The following RNF144A variants were observed in gnomAD, a reference collection of about 807,000 sequenced individuals.
The protein encoded by RNF144A is E3 ubiquitin-protein ligase RNF144A.
A neutral mutation model predicts 38.7 loss-of-function variants in RNF144A; 11 were observed. The observed-to-expected ratio is 0.28, with a 90% CI of 0.18 to 0.47. The LOEUF (loss-of-function observed/expected upper bound fraction) is 0.47. RNF144A is among the 20% of genes least tolerant of loss of function. The pLI is 0.99. For synonymous variants in RNF144A, 149 were observed against 143.9 expected (o/e 1.04, Z -0.25); for missense variants, 316 against 377.2 (o/e 0.84, Z 1.34).
chr2:7,021,402 C>T (rs1023850), intron 6 of RNF144A, among the ~76,000 whole-genome samples: 27,314 of 151,936 alleles, frequency 0.18, 3,161 homozygotes, highest in East Asian at 0.55. Flanking sequence ...CCCATTCCAC[C>T]GTCCCCAGCT....
At chr2:6,968,375 C>T (rs552183359) in intron 2 of RNF144A, among the ~76,000 whole-genome samples, 21 of 152,338 alleles carry the variant, frequency 1.4e-4, no homozygotes, top group Admixed American at 4.6e-4. Flanking sequence ...GTGAACACTT[C>T]GGGCCCAGAG....
chr2:6,994,893 C>T (rs973695856), intron 2 of RNF144A, among the ~76,000 whole-genome samples: 5 of 151,992 alleles, frequency 3.3e-5, no homozygotes, highest in African/African-American at 1.2e-4. Flanking sequence ...TCAGTCACCC[C>T]CTCAGTTGCT....
At chr2:7,051,755 G>T (rs931550094) in intron 6 of RNF144A, among the ~76,000 whole-genome samples, 1 of 152,326 alleles carries the variant, frequency 6.6e-6, no homozygotes, top group East Asian at 1.9e-4. Flanking sequence ...TGGGCATGGC[G>T]GTGGGTGCCT....
intron 2 of RNF144A, among the ~76,000 whole-genome samples, chr2:6,983,956 A>AATGT (rs1408715867): frequency 6.6e-6 from 1 of 152,148 alleles, no homozygotes; most frequent in Non-Finnish European, 1.5e-5. Flanking sequence ...GTATATCCAG[A>AATGT]ATGTGACTAC....
chr2:7,039,550 G>T, intron 8 of RNF144A, 79 bp from the exon 9 acceptor site: 1 of 1,562,162 alleles, frequency 6.4e-7, no homozygotes, highest in South Asian at 1.2e-5. Flanking sequence ...ATGGGTAGCT[G>T]GTTGTGTGGT....
intron 7 of RNF144A, among the ~76,000 whole-genome samples, chr2:7,025,845 G>A (rs1671856872): frequency 6.6e-6 from 1 of 151,952 alleles, no homozygotes; most frequent in African/African-American, 2.4e-5. Flanking sequence ...TCCAATAATA[G>A]TATTAAGCCA....
intron 5 of RNF144A, among the ~76,000 whole-genome samples, chr2:7,015,384 A>G (rs1671069836): frequency 6.6e-6 from 1 of 152,154 alleles, no homozygotes; most frequent in African/African-American, 2.4e-5. Flanking sequence ...CTGATTTCTA[A>G]ATATAGTGGG....
At chr2:6,977,227 T>C (rs977166470) in intron 2 of RNF144A, among the ~76,000 whole-genome samples, 2 of 152,204 alleles carry the variant, frequency 1.3e-5, no homozygotes, top group African/African-American at 2.4e-5. Flanking sequence ...TCCACATGAG[T>C]AAAGCAGGAT....
intron 2 of RNF144A, among the ~76,000 whole-genome samples, chr2:6,942,235 A>G (rs1244962034): frequency 6.6e-6 from 1 of 152,020 alleles, no homozygotes; most frequent in Non-Finnish European, 1.5e-5. Context: ...GGTAGAGGAC[A>G]AGGCTAGAAT....
In RNF144A at chr2:7,054,231, G is replaced by A. The variant is rs147613825; in HGVS notation, c.735-13985G>A. On this transcript the variant is annotated intron_variant, in intron 6 of 6. Coordinates refer to the RNF144A transcript ENST00000432850. ...AGAGAGCTGTTAATGAGAGACAGCC[G>A]CTGAATAAAACAACATTTCGCCTGC... Among the ~76,000 whole-genome samples the A allele has an allele frequency of 4.8e-3, 736 of 152,320 alleles. 8 individuals are homozygous for A. Among genetic ancestry groups the A allele is most frequent in the African/African-American group, 0.016 (664 of 41,566 alleles).
chr2:7,002,676 C>T (rs1435331900), intron 3 of RNF144A, among the ~76,000 whole-genome samples: 1 of 152,172 alleles, frequency 6.6e-6, no homozygotes. Context: ...ATGGTGATCC[C>T]ATAAGATTAC....
chr2:6,951,700 A>C (rs552677524), intron 2 of RNF144A, among the ~76,000 whole-genome samples: 1 of 152,254 alleles, frequency 6.6e-6, no homozygotes, highest in African/African-American at 2.4e-5. Context: ...CTAGTACCTT[A>C]GTTTCTTTTA....
rs1671017550 is a variant in RNF144A at position 7,014,568 on chromosome 2, A to G, written c.240+10A>G. The stretch of plus-strand genomic sequence containing the variant: ...CCTACAGGAGAACGAGGCATGTGCA[A>G]TTGAACAGACTGGGCTGTTTGATGT... On this transcript the variant is annotated intron_variant, in intron 4 of 8. Coordinates refer to ENST00000320892, the MANE Select transcript of RNF144A (RefSeq NM_014746.6). 4 of 1,585,732 alleles carry G rather than the reference A, an allele frequency of 2.5e-6. No homozygotes were observed. Among genetic ancestry groups the G allele is most frequent in the Non-Finnish European group, 3.4e-6 (4 of 1,162,162 alleles).
chr2:6,988,589 G>A (rs1322400658), intron 2 of RNF144A, among the ~76,000 whole-genome samples: 1 of 152,158 alleles, frequency 6.6e-6, no homozygotes, highest in Admixed American at 6.5e-5. Flanking sequence ...CATCCTGGTG[G>A]GGGTGAGGGG....
At chr2:7,064,252 G>A (rs1674104906) in intron 6 of RNF144A, among the ~76,000 whole-genome samples, 1 of 152,110 alleles carries the variant, frequency 6.6e-6, no homozygotes, top group South Asian at 2.1e-4. Context: ...CATAGCAGAT[G>A]AGAAAGGAGA....
chr2:7,052,805 C>T (rs1558466213), intron 6 of RNF144A, among the ~76,000 whole-genome samples: 2 of 151,296 alleles, frequency 1.3e-5, no homozygotes, highest in African/African-American at 4.9e-5. Context: ...GTATATGAAA[C>T]AGAAGGATTC....
chr2:7,038,839 G>C (rs527266280), intron 8 of RNF144A, among the ~76,000 whole-genome samples: 1 of 151,702 alleles, frequency 6.6e-6, no homozygotes, highest in East Asian at 2.0e-4. Flanking sequence ...GATGAATAAA[G>C]AGATGGGTGG....
intron 7 of RNF144A, among the ~76,000 whole-genome samples, chr2:7,029,766 G>A (rs990302119): frequency 6.6e-6 from 1 of 152,238 alleles, no homozygotes; most frequent in African/African-American, 2.4e-5. Flanking sequence ...AGTGACCTGC[G>A]TGTTCAGTAG....
intron 7 of RNF144A, among the ~76,000 whole-genome samples, chr2:7,026,648 A>T (rs1671919491): frequency 6.6e-6 from 1 of 152,180 alleles, no homozygotes; most frequent in Non-Finnish European, 1.5e-5. Flanking sequence ...CCCCGTGCGG[A>T]TCATTTGGAG....
Sources: gnomAD v4.1 joint callset for allele counts (sites outside exome capture counted in the v4.1 genomes callset) on GRCh38, gnomAD v4.1.1 for gene constraint, MANE v1.5 for transcripts, NCBI Gene and HGNC (gene_info 2026-07-23, HGNC 2026-07-21) for gene names.